Variants in MXRA8 observed in about 807,000 individuals in gnomAD.
MXRA8 encodes matrix remodeling-associated protein 8.
A neutral mutation model predicts 51.4 loss-of-function variants in MXRA8; 44 were observed. That is an observed-to-expected ratio of 0.86 (90% confidence interval 0.67 to 1.10). The LOEUF is 1.10. MXRA8 is among the 50% of genes least tolerant of loss of function. The pLI, the probability that MXRA8 is intolerant of heterozygous loss-of-function variation, is 0.00. For synonymous variants in MXRA8, 369 were observed against 293.5 expected (o/e 1.26, Z -2.63); for missense variants, 765 against 638.9 (o/e 1.20, Z -2.13).
In MXRA8 at chr1:1,355,554, A is replaced by G; in HGVS notation, c.272T>C (p.Leu91Ser). 2 of 1,490,014 alleles carry G rather than the reference A, an allele frequency of 1.3e-6. No homozygotes were observed. The highest frequency in any genetic ancestry group is 1.8e-6 in the Non-Finnish European group (2 of 1,128,844). 92.3% of individuals were successfully genotyped at this position (1,490,014 alleles called of 1,614,324 possible). A position where few individuals can be genotyped will look rare whatever the true frequency, so the allele number is the denominator to read the frequency against. The stretch of plus-strand genomic sequence containing the variant: ...CACGCGCTGCTCGCCCGCCGAGTAC[A>G]AGTCCAGCAGGCGCCGCGCGGGGCC... ...GGGPARRLLDLYSAGEQRVYE... is the reference protein window; with the variant it reads ...GGGPARRLLDSYSAGEQRVYE... Residue 91 changes from leucine to serine, a missense_variant, in exon 3 of 10, where the codon TTG (leucine) becomes TCG (serine). Leu to Ser is a moderately radical substitution (Grantham distance 145, BLOSUM62 -2). Transcript: ENST00000309212.
chr1:1,356,591 AGGGCCTGAGGACCCCCGGGGGCT>A, intron 2 of MXRA8, 67 bp downstream of exon 2: 1 of 753,444 alleles, frequency 1.3e-6, no homozygotes, highest in Non-Finnish European at 1.7e-6. Context: ...GGGGAGGGGC[AGGGCCTGAGGACCCCCGGGGGCT>A]GGGCCTGGCA....
In MXRA8 at chr1:1,354,399, G is replaced by A. The variant is rs894426377; in HGVS notation, c.1060C>T (p.Leu354=). The change falls in exon 6 of 10, where the codon CTG becomes TTG. Residue 354 remains leucine (L), a synonymous_variant. Transcript: ENST00000309212. ...GCCAGGAGGACAGTGACCAGTAGCAGGATGAAGAGCAGCAGCGTGGCCAGC... is the reference window on the plus strand; with the variant it reads ...GCCAGGAGGACAGTGACCAGTAGCAAGATGAAGAGCAGCAGCGTGGCCAGC... ...YVLATLLLFI[L]LLVTVLLAAR... 1 of 1,612,386 alleles carries A rather than the reference G, an allele frequency of 6.2e-7. No individual in the cohort carries two copies. Among genetic ancestry groups the A allele is most frequent in the South Asian group, 1.1e-5 (1 of 91,080 alleles).
At chr1:1,353,745 G>A in intron 9 of MXRA8, 103 bp downstream of exon 9, 1 of 1,469,222 alleles carries the variant, frequency 6.8e-7, no homozygotes, top group Non-Finnish European at 9.2e-7. Context: ...TGAGGTGGCA[G>A]GGGCCCCGGG....
rs770405536 is a variant in MXRA8 at position 1,354,532 on chromosome 1, G to T, written c.950-23C>A. ...GGTCTGCGGGGAACGCGGGGTCGGGGCGGCGTCAGGTACCAGCAAGACCTG... is the reference window on the plus strand; with the variant it reads ...GGTCTGCGGGGAACGCGGGGTCGGGTCGGCGTCAGGTACCAGCAAGACCTG... On this transcript the variant is annotated intron_variant, in intron 5 of 9. Coordinates refer to ENST00000309212, the MANE Select transcript of MXRA8 (RefSeq NM_032348.4). 6 of 1,607,364 alleles carry T rather than the reference G, an allele frequency of 3.7e-6. No homozygotes were observed. The South Asian group carries it at 6.6e-5, about 18-fold the overall frequency.
At position 1,353,701 on chromosome 1, in the gene MXRA8, C is replaced by G. The variant is rs965289438; in HGVS notation, c.1304-72G>C. The G allele has an allele frequency of 1.8e-5, 27 of 1,495,758 alleles. No individual in the cohort carries two copies. The African/African-American group carries it at 3.7e-4, about 20-fold the overall frequency. 92.7% of individuals were successfully genotyped at this position (1,495,758 alleles called of 1,614,324 possible). A position where few individuals can be genotyped will look rare whatever the true frequency, so the allele number is the denominator to read the frequency against. The stretch of plus-strand genomic sequence containing the variant: ...ATCACAGTGGGAGACACAGGGCAGA[C>G]CCCCCCGCAGGACTCCCCAGGGATT... On this transcript the variant is annotated intron_variant, in intron 9 of 9. Coordinates refer to ENST00000309212, the MANE Select transcript of MXRA8 (RefSeq NM_032348.4).
At chr1:1,357,916 T>G (rs1333739677) in intron 1 of MXRA8, among the ~76,000 whole-genome samples, 1 of 152,158 alleles carries the variant, frequency 6.6e-6, no homozygotes, top group Non-Finnish European at 1.5e-5. Flanking sequence ...CCCAGCAGTC[T>G]GTGCACCCCA....
chr1:1,357,535 G>A (rs1249028841), intron 1 of MXRA8, among the ~76,000 whole-genome samples: 2 of 152,302 alleles, frequency 1.3e-5, no homozygotes, highest in East Asian at 1.9e-4. Context: ...CACCAGGCAT[G>A]GTGGCTCACG....
intron 1 of MXRA8, among the ~76,000 whole-genome samples, chr1:1,358,178 A>G (rs765569311): frequency 6.6e-6 from 1 of 152,216 alleles, no homozygotes; most frequent in Non-Finnish European, 1.5e-5. Context: ...GAGGGGCTGC[A>G]GGAGGGGCCC....
Position 1,354,746 on chromosome 1 carries a change from G to C in MXRA8, c.885C>G (p.His295Gln), listed in dbSNP as rs1363613189. Residue 295 changes from histidine (H) to glutamine (Q), a missense_variant, in exon 5 of 10, where the codon CAC becomes CAG. Transcript: ENST00000309212. ...GAGAGCCCCGGGGGGGCGGCTCCGC[G>C]TGGGGTTCGGCGACCGTCAGGTGGA... ...RVFHLTVAEP[H>Q]AEPPPRGSPG... 1.9e-6 allele frequency: 3 copies of C among 1,610,504 alleles called. No individual in the cohort carries two copies. The highest frequency in any genetic ancestry group is 2.2e-5 in the South Asian group (2 of 90,922).
upstream of MXRA8, chr1:1,361,443 G>T (rs1644221325): frequency 3.2e-6 from 2 of 627,020 alleles, no homozygotes; most frequent in African/African-American, 1.8e-5. Context: ...GGGGTCGGGG[G>T]GCGCCCAGGC....
In MXRA8 at chr1:1,356,708, G is replaced by C; in HGVS notation, c.50-4C>G. ...GAGTGCAGGAGAACAGCAGAGCCTG[G>C]AAGGAGAGGAGTGAGCTGGAGAGGC... is the stretch of plus-strand genomic sequence containing the variant. On this transcript the variant is annotated splice_polypyrimidine_tract_variant and splice_region_variant and intron_variant, in intron 1 of 9. Transcript: ENST00000309212. The C allele has an allele frequency of 7.0e-7, 1 of 1,431,264 alleles. No individual in the cohort carries two copies. The highest frequency in any genetic ancestry group is 9.2e-7 in the Non-Finnish European group (1 of 1,082,174). The allele number at this position is 1,431,264 out of a possible 1,614,324, so 88.7% of individuals were successfully genotyped here.
chr1:1,353,722 G>A, intron 9 of MXRA8, 93 bp from the exon 10 acceptor site: 4 of 1,475,572 alleles, frequency 2.7e-6, no homozygotes, highest in Non-Finnish European at 3.7e-6. Context: ...GACTCCCCAG[G>A]GATTTCTGAG....
chr1:1,353,417 G>T lies in MXRA8; in HGVS notation c.*187C>A. 1 of 1,521,592 alleles carries T rather than the reference G, an allele frequency of 6.6e-7. No individual in the cohort carries two copies. The highest frequency in any genetic ancestry group is 1.2e-5 in the South Asian group (1 of 81,458). The allele number at this position is 1,521,592 out of a possible 1,614,324, so 94.3% of individuals were successfully genotyped here. A position where few individuals can be genotyped will look rare whatever the true frequency, so the allele number is the denominator to read the frequency against. On this transcript the variant is annotated 3_prime_UTR_variant, in exon 10 of 10. Coordinates refer to ENST00000309212, the MANE Select transcript of MXRA8 (RefSeq NM_032348.4). ...CGTGAGCAAAGGCCGCAGGGGTGGG[G>T]GCTATGCTGCCACCAAGCCCCTGGG...
chr1:1,358,988 C>T, upstream of MXRA8: 1 of 985,480 alleles, frequency 1.0e-6, no homozygotes, highest in East Asian at 1.1e-4. Flanking sequence ...AGACCGCCCC[C>T]ACCCACGGTG....
chr1:1,360,902 A>G (rs899115325), upstream of MXRA8, among the ~76,000 whole-genome samples: 109 of 133,794 alleles, frequency 8.1e-4, no homozygotes, highest in African/African-American at 3.5e-3. Flanking sequence ...ACACAGAGAT[A>G]CACACGCATG....
At position 1,353,114 on chromosome 1, in the gene MXRA8, G is replaced by A. The variant is rs1459548770; in HGVS notation, c.*490C>T. The A allele has an allele frequency of 2.9e-6, 2 of 696,838 alleles. No individual in the cohort carries two copies. The highest frequency in any genetic ancestry group is 5.1e-6 in the Non-Finnish European group (2 of 391,884). 43.2% of individuals were successfully genotyped at this position (696,838 alleles called of 1,614,324 possible). On this transcript the variant is annotated 3_prime_UTR_variant, in exon 10 of 10. Transcript: ENST00000309212. ...CTCGGTGGCAGGCAGCACCCCAGGAGGAGTGGGACTCCTGCCGAGGCTGAC... is the reference window on the plus strand; with the variant it reads ...CTCGGTGGCAGGCAGCACCCCAGGAAGAGTGGGACTCCTGCCGAGGCTGAC...
chr1:1,360,149 C>T (rs1644202884), upstream of MXRA8, among the ~76,000 whole-genome samples: 2 of 152,226 alleles, frequency 1.3e-5, no homozygotes, highest in South Asian at 4.1e-4. Flanking sequence ...CAGCCTCAGG[C>T]CAGGGCTCGC....
rs1174568952 is a variant in MXRA8, at chr1:1,355,458, A to C, written c.368T>G (p.Leu123Arg). The C allele has an allele frequency of 6.7e-7, 1 of 1,503,708 alleles. No individual in the cohort carries two copies. The highest frequency in any genetic ancestry group is 1.4e-5 in the African/African-American group (1 of 69,328). 93.1% of individuals were successfully genotyped at this position (1,503,708 alleles called of 1,614,324 possible). A position where few individuals can be genotyped will look rare whatever the true frequency, so the allele number is the denominator to read the frequency against. Residue 123 changes from leucine to arginine, a missense_variant, in exon 3 of 10, where the codon CTC becomes CGC. Leu to Arg is a moderately radical substitution (Grantham distance 102). Transcript: ENST00000309212. Reference protein sequence around the residue: ...SAFDDGNFSLLIRAVEETDAG... With the variant: ...SAFDDGNFSLRIRAVEETDAG... ...GTCCCCGGTCCCCGCACCGCGGATG[A>C]GCAGCGAGAAGTTGCCGTCGTCGAA...
At chr1:1,362,079 C>A (rs1001649313), upstream of MXRA8, among the ~76,000 whole-genome samples, 2 of 152,236 alleles carry the variant, frequency 1.3e-5, no homozygotes, top group African/African-American at 4.8e-5. Context: ...GACTGTTTTC[C>A]TGCTGATCCT....
Sources: gnomAD v4.1 joint callset for allele counts (sites outside exome capture counted in the v4.1 genomes callset) on GRCh38, gnomAD v4.1.1 for gene constraint, MANE v1.5 for transcripts, NCBI Gene and HGNC (gene_info 2026-07-23, HGNC 2026-07-21) for gene names.